The following CDH13 variants were observed in gnomAD, a reference collection of about 807,000 sequenced individuals.
The protein encoded by CDH13 is cadherin 13, also known as cadherin-13.
Under a neutral mutation model 63.8 loss-of-function variants are expected in CDH13, and 24 were observed. The observed-to-expected ratio is 0.38, with a 90% confidence interval of 0.27 to 0.53. The LOEUF (loss-of-function observed/expected upper bound fraction) is 0.53. Ranked by LOEUF, CDH13 falls within the 20% of genes least tolerant of loss-of-function variation. The pLI, the probability that CDH13 is intolerant of heterozygous loss-of-function variation, is 0.85. For missense variants in CDH13, 1,049 were observed against 903.1 expected, an observed-to-expected ratio of 1.16 and a Z score of -2.07; for synonymous variants, 503 against 355.3, an observed-to-expected ratio of 1.42 and a Z score of -4.67.
chr16:82,818,325 G>C (rs1447529014), intron 1 of CDH13, among the ~76,000 whole-genome samples: 1 of 151,996 alleles, frequency 6.6e-6, no homozygotes, highest in Non-Finnish European at 1.5e-5. Flanking sequence ...TTCAAACTAA[G>C]GACTAAAAGA....
At chr16:82,885,434 C>T (rs2040851173) in intron 2 of CDH13, among the ~76,000 whole-genome samples, 1 of 93,592 alleles carries the variant, frequency 1.1e-5, no homozygotes, top group South Asian at 5.5e-4. Context: ...ACACCTCCCA[C>T]CCCCCCACCC....
intron 2 of CDH13, among the ~76,000 whole-genome samples, chr16:82,890,970 T>A (rs1318120282): frequency 6.6e-6 from 1 of 151,588 alleles, no homozygotes; most frequent in Non-Finnish European, 1.5e-5. Flanking sequence ...TTCTTTTATA[T>A]ACTTGGAGGG....
rs1219179609 is a variant in CDH13 at position 83,727,869 on chromosome 16, C to A, written c.1539-20239C>A. On this transcript the variant is annotated intron_variant, in intron 10 of 13. Transcript: ENST00000567109. Reference sequence around the variant, plus strand: ...ACAGGGGCGTTGGCGGGGAGGGCAGCCATTCCCGCCCGCTGCTAATGGGCT... The same window carrying A: ...ACAGGGGCGTTGGCGGGGAGGGCAGACATTCCCGCCCGCTGCTAATGGGCT... Among the ~76,000 whole-genome samples, 3 of 152,224 alleles carry A rather than the reference C, an allele frequency of 2.0e-5. No individual in the cohort carries two copies. The East Asian group carries it at 5.8e-4, about 30-fold the overall frequency.
At chr16:83,724,638 C>T (rs748666029) in intron 10 of CDH13, among the ~76,000 whole-genome samples, 2 of 152,164 alleles carry the variant, frequency 1.3e-5, no homozygotes, top group Admixed American at 6.5e-5. Context: ...CCCCCTGTGA[C>T]TATGTTGGGG....
At chr16:83,496,764 G>A (rs185058137) in intron 7 of CDH13, among the ~76,000 whole-genome samples, 9 of 152,258 alleles carry the variant, frequency 5.9e-5, no homozygotes, top group Admixed American at 2.0e-4. Context: ...ATACTCATCT[G>A]ACAAAGGGCT....
chr16:82,923,644 A>T (rs1471689728), intron 2 of CDH13, among the ~76,000 whole-genome samples: 1 of 152,170 alleles, frequency 6.6e-6, no homozygotes, highest in Admixed American at 6.5e-5. Flanking sequence ...GGATCCAAAA[A>T]CCTACTTAGT....
At chr16:82,694,806 G>A (rs2030059467) in intron 1 of CDH13, among the ~76,000 whole-genome samples, 1 of 152,140 alleles carries the variant, frequency 6.6e-6, no homozygotes, top group African/African-American at 2.4e-5. Flanking sequence ...GGAGGGAGGA[G>A]GATGACTATG....
chr16:83,182,482 T>A (rs1190672010), intron 4 of CDH13, among the ~76,000 whole-genome samples: 1 of 152,214 alleles, frequency 6.6e-6, no homozygotes, highest in East Asian at 1.9e-4. Context: ...TGGTCATGTG[T>A]GTTCACTTTA....
At chr16:83,121,613 A>G (rs555481914) in intron 3 of CDH13, among the ~76,000 whole-genome samples, 1 of 152,352 alleles carries the variant, frequency 6.6e-6, no homozygotes, top group Non-Finnish European at 1.5e-5. Context: ...AGTATTGCCT[A>G]CTAACAAACC....
rs141610899 is a variant in CDH13, at chr16:83,398,483, A to G, written c.781+53477A>G. On this transcript the variant is annotated intron_variant, in intron 6 of 13. Transcript: ENST00000567109. ...GATTTAGGACCTTCCTAGATAATCC[A>G]GGATGGTCTCATCTCATCTTGAGAT... 7.5e-3 allele frequency among the ~76,000 whole-genome samples: 1,140 copies of G among 152,330 alleles called. 5 individuals carry two copies. Among genetic ancestry groups the G allele is most frequent in the Middle Eastern group, 0.024 (7 of 294 alleles).
At chr16:83,477,602 T>C (rs1159874926) in intron 6 of CDH13, among the ~76,000 whole-genome samples, 1 of 152,164 alleles carries the variant, frequency 6.6e-6, no homozygotes, top group Non-Finnish European at 1.5e-5. Context: ...GGACAGATGA[T>C]GAATTTTTCT....
At chr16:83,697,303 A>G (rs962531560) in intron 10 of CDH13, among the ~76,000 whole-genome samples, 4 of 152,218 alleles carry the variant, frequency 2.6e-5, no homozygotes, top group Non-Finnish European at 5.9e-5. Flanking sequence ...TAGTACAAAT[A>G]AGTGCCCTTT....
chr16:83,360,871 T>G (rs1177725796), intron 6 of CDH13, among the ~76,000 whole-genome samples: 2 of 152,206 alleles, frequency 1.3e-5, no homozygotes, highest in Non-Finnish European at 2.9e-5. Flanking sequence ...AGTACCTAGG[T>G]TGATTCCATG....
intron 10 of CDH13, among the ~76,000 whole-genome samples, chr16:83,713,870 C>G (rs573063114): frequency 4.6e-5 from 7 of 152,342 alleles, no homozygotes; most frequent in African/African-American, 1.4e-4. Flanking sequence ...CTGCCTTCCT[C>G]ATTGTCAACA....
At chr16:83,028,297 A>C (rs908312532) in intron 2 of CDH13, among the ~76,000 whole-genome samples, 2 of 152,242 alleles carry the variant, frequency 1.3e-5, no homozygotes, top group African/African-American at 2.4e-5. Flanking sequence ...TGTTCAATTC[A>C]TCTGGGCTAC....
chr16:83,156,723 T>C (rs2037222291), intron 4 of CDH13, among the ~76,000 whole-genome samples: 1 of 152,204 alleles, frequency 6.6e-6, no homozygotes, highest in Non-Finnish European at 1.5e-5. Flanking sequence ...CATTCATTTT[T>C]GCTGAAGGAC....
chr16:83,172,805 AG>A (rs2037979249), intron 4 of CDH13, among the ~76,000 whole-genome samples: 1 of 152,138 alleles, frequency 6.6e-6, no homozygotes, highest in South Asian at 2.1e-4. Context: ...AAGAAAACAA[AG>A]AAGGCTAAAT....
chr16:83,327,736 A>C (rs573848008), intron 5 of CDH13, among the ~76,000 whole-genome samples: 5 of 152,216 alleles, frequency 3.3e-5, no homozygotes, highest in African/African-American at 7.2e-5. Flanking sequence ...TGTTTTGAGG[A>C]CAGACGTGAA....
At chr16:83,627,290 C>T (rs564705468) in intron 8 of CDH13, among the ~76,000 whole-genome samples, 4 of 151,786 alleles carry the variant, frequency 2.6e-5, no homozygotes, top group Non-Finnish European at 4.4e-5. Context: ...ACTCCGTCTC[C>T]GGGGAAGAAA....
Sources: allele counts gnomAD v4.1 joint callset (sites outside exome capture counted in the v4.1 genomes callset), GRCh38; gene constraint gnomAD v4.1.1; transcripts MANE v1.5; gene names NCBI Gene and HGNC (gene_info 2026-07-23, HGNC 2026-07-21).